Variants in RPAP2 observed in about 807,000 individuals in gnomAD.
RPAP2 encodes the protein RNA polymerase II associated protein 2, also known as putative RNA polymerase II subunit B1 CTD phosphatase RPAP2.
In RPAP2, 52 loss-of-function variants were observed where a neutral mutation model predicts 73.1. The observed-to-expected ratio is 0.71, with a 90% confidence interval of 0.57 to 0.90. The LOEUF (loss-of-function observed/expected upper bound fraction) is 0.90, where lower values mean the gene tolerates loss of function less well. RPAP2 is among the 40% of genes least tolerant of loss of function. RPAP2 has a pLI of 0.00. For synonymous variants in RPAP2, 225 were observed against 242.1 expected, an observed-to-expected ratio of 0.93 and a Z score of 0.65; for missense variants, 598 against 701.8, an observed-to-expected ratio of 0.85 and a Z score of 1.67.
At position 92,401,961 on chromosome 1, in the gene RPAP2, T is replaced by C. The variant is rs1571169511; in HGVS notation, c.*14950T>C. The C allele has an allele frequency of 6.6e-6, 1 of 152,250 alleles. No homozygotes were observed. The highest frequency in any genetic ancestry group is 2.4e-5 in the African/African-American group (1 of 41,462). The allele number at this position is 152,250 out of a possible 1,614,324, so 9.4% of individuals were successfully genotyped here. On this transcript the variant is annotated 3_prime_UTR_variant, in exon 13 of 13. Coordinates refer to ENST00000610020, the MANE Select transcript of RPAP2 (RefSeq NM_024813.3). Reference sequence around the variant, plus strand: ...TTTAGTTTCTTCAGGATTTTGCCTATGTTTGAAGGATATTGGTTTGTAATT... The same window carrying C: ...TTTAGTTTCTTCAGGATTTTGCCTACGTTTGAAGGATATTGGTTTGTAATT...
chr1:92,375,939 G>A (rs1050247660), intron 11 of RPAP2, among the ~76,000 whole-genome samples: 1 of 150,268 alleles, frequency 6.7e-6, no homozygotes, highest in African/African-American at 2.5e-5. Flanking sequence ...GGCAGAGGTT[G>A]CAGTGAGCCA....
At chr1:92,307,335 T>C in intron 6 of RPAP2, 59 bp downstream of exon 6, 4 of 1,181,912 alleles carry the variant, frequency 3.4e-6, no homozygotes, top group Non-Finnish European at 4.8e-6. Context: ...TTGTTTCTGC[T>C]TTTTGAGATT....
In RPAP2 at chr1:92,387,246, A is replaced by G. The variant is rs1655901303; in HGVS notation, c.*235A>G. 2.8e-6 allele frequency: 1 copy of G among 351,354 alleles called. No individual in the cohort carries two copies. Among genetic ancestry groups the G allele is most frequent in the Admixed American group, 4.7e-5 (1 of 21,420 alleles). The allele number at this position is 351,354 out of a possible 1,614,324, so 21.8% of individuals were successfully genotyped here. On this transcript the variant is annotated 3_prime_UTR_variant, in exon 13 of 13. Transcript: ENST00000610020. ...AGAATAACCAAGTCTTTGTATCCCT[A>G]GTACAAGACATAGTATTTTTATTCG...
chr1:92,309,580 T>TACATAC lies in RPAP2; in HGVS notation c.488+2346_488+2351dup, dbSNP rs56342531. On this transcript the variant is annotated intron_variant, in intron 6 of 12. Coordinates refer to ENST00000610020, the MANE Select transcript of RPAP2 (RefSeq NM_024813.3). The stretch of plus-strand genomic sequence containing the variant: ...ACACATACACATACACATATACATA[T>TACATAC]ACATACACATACACATACACATACA... 6.0e-3 allele frequency among the ~76,000 whole-genome samples: 887 copies of TACATAC among 147,842 alleles called. 5 individuals carry two copies. Among genetic ancestry groups the TACATAC allele is most frequent in the Non-Finnish European group, 9.1e-3 (607 of 66,398 alleles).
At chr1:92,352,689 ATAAAAT>A (rs765713764) in intron 11 of RPAP2, among the ~76,000 whole-genome samples, 3 of 152,202 alleles carry the variant, frequency 2.0e-5, no homozygotes, top group Non-Finnish European at 4.4e-5. Flanking sequence ...TAAAGTTGAG[ATAAAAT>A]TAATATACAG....
Position 92,323,893 on chromosome 1 carries a change from ACT to A in RPAP2, c.976_977del (p.Leu326SerfsTer5). On this transcript the variant is annotated frameshift_variant, in exon 8 of 13. Coordinates refer to ENST00000610020, the MANE Select transcript of RPAP2 (RefSeq NM_024813.3). LOFTEE classifies it high-confidence loss of function. ...AAGTGAATACAGTAGGTCAGAAATA[ACT>A]CTAGTAGGCATAAGTAAGAAAAGTG... is the stretch of plus-strand genomic sequence containing the variant. ...SESEYSRSEITLVGISKKSAE... is the reference protein window; with the variant it reads ...SESEYSRSEIXLVGISKKSAE... The A allele has an allele frequency of 6.2e-7, 1 of 1,614,118 alleles. No individual in the cohort carries two copies. The highest frequency in any genetic ancestry group is 1.3e-5 in the African/African-American group (1 of 75,056).
At chr1:92,336,289 C>G in intron 9 of RPAP2, 58 bp from the exon 10 acceptor site, 1 of 1,190,072 alleles carries the variant, frequency 8.4e-7, no homozygotes, top group East Asian at 2.5e-5. Context: ...TAGGCATGAC[C>G]CAAAAAAAGT....
intron 10 of RPAP2, among the ~76,000 whole-genome samples, chr1:92,339,979 AGCTG>A (rs1653511593): frequency 6.6e-6 from 1 of 152,220 alleles, no homozygotes. Flanking sequence ...AAACATGATT[AGCTG>A]GGAGTTGGTA....
intron 11 of RPAP2, among the ~76,000 whole-genome samples, chr1:92,352,303 C>G (rs923240922): frequency 6.6e-6 from 1 of 152,174 alleles, no homozygotes; most frequent in Non-Finnish European, 1.5e-5. Context: ...TCAACTTGAC[C>G]ATGATCGCTA....
chr1:92,335,996 ACC>A (rs1370499028), intron 9 of RPAP2, among the ~76,000 whole-genome samples: 2 of 152,202 alleles, frequency 1.3e-5, no homozygotes, highest in African/African-American at 4.8e-5. Context: ...GGAAGAATAT[ACC>A]ACACTCTCAG....
intron 10 of RPAP2, among the ~76,000 whole-genome samples, chr1:92,343,387 C>T (rs1239853157): frequency 2.0e-5 from 3 of 152,140 alleles, no homozygotes; most frequent in Admixed American, 1.3e-4. Flanking sequence ...CATCAAACAA[C>T]GTGTCCAAAA....
chr1:92,357,183 A>G (rs187520310), intron 11 of RPAP2, among the ~76,000 whole-genome samples: 1 of 152,324 alleles, frequency 6.6e-6, no homozygotes, highest in Admixed American at 6.5e-5. Context: ...TAGGGAATAC[A>G]AAGATTAAAC....
At chr1:92,345,193 A>G (rs1055512143) in intron 10 of RPAP2, among the ~76,000 whole-genome samples, 2 of 151,924 alleles carry the variant, frequency 1.3e-5, no homozygotes, top group Admixed American at 1.3e-4. Flanking sequence ...ATGAAGTAAA[A>G]TTAAAATCAG....
chr1:92,303,367 T>A (rs1482250345), intron 3 of RPAP2, among the ~76,000 whole-genome samples: 1 of 152,182 alleles, frequency 6.6e-6, no homozygotes, highest in Non-Finnish European at 1.5e-5. Flanking sequence ...CAGAAAAACT[T>A]GTTAAAAGAT....
intron 9 of RPAP2, 61 bp from the exon 10 acceptor site, chr1:92,336,286 G>A (rs1314693362): frequency 1.8e-6 from 2 of 1,130,124 alleles, no homozygotes; most frequent in African/African-American, 3.1e-5. Context: ...ATCTAGGCAT[G>A]ACCCAAAAAA....
At chr1:92,321,039 A>C (rs1466188903) in intron 7 of RPAP2, among the ~76,000 whole-genome samples, 1 of 152,224 alleles carries the variant, frequency 6.6e-6, no homozygotes, top group East Asian at 1.9e-4. Flanking sequence ...CTAAAGCATT[A>C]ATATAAATTC....
rs751415933 is a variant in RPAP2 at position 92,323,474 on chromosome 1, G to A, written c.554G>A (p.Cys185Tyr). 6 of 1,609,374 alleles carry A rather than the reference G, an allele frequency of 3.7e-6. No homozygotes were observed. The highest frequency in any genetic ancestry group is 5.1e-6 in the Non-Finnish European group (6 of 1,177,398). The change falls in exon 8 of 13, where the codon TGC becomes TAC. Residue 185 changes from cysteine (C) to tyrosine (Y), a missense_variant. By Grantham distance (194) the Cys-to-Tyr change is radical. Transcript: ENST00000610020. Reference protein sequence around the residue: ...SGHSGEEVQLCSKAIKTSDID... With the variant: ...SGHSGEEVQLYSKAIKTSDID... ...CATTCTGGAGAAGAAGTACAGTTAT[G>A]CAGTAAAGCCATTAAAACATCAGAT...
chr1:92,348,867 C>T (rs1445202848), intron 11 of RPAP2, among the ~76,000 whole-genome samples: 4 of 152,162 alleles, frequency 2.6e-5, no homozygotes. Context: ...TTAGAGAAGG[C>T]ATTTTGTCAC....
intron 11 of RPAP2, among the ~76,000 whole-genome samples, chr1:92,371,312 AAAAAAAAATAT>A (rs1163297280): frequency 4.8e-4 from 43 of 89,098 alleles, no homozygotes; most frequent in East Asian, 3.8e-3. Flanking sequence ...CTCAAAAAAA[AAAAAAAAATAT>A]ATATATATAT....
Sources: allele counts gnomAD v4.1 joint callset (sites outside exome capture counted in the v4.1 genomes callset), GRCh38; gene constraint gnomAD v4.1.1; transcripts MANE v1.5; gene names NCBI Gene and HGNC (gene_info 2026-07-23, HGNC 2026-07-21).